Variants in NSD3 observed in about 807,000 individuals in gnomAD.
The protein encoded by NSD3 is histone-lysine N-methyltransferase NSD3.
In NSD3, 24 loss-of-function variants were observed where a neutral mutation model predicts 160.8. The ratio of observed to expected loss-of-function variants is 0.15; its 90% CI spans 0.11 to 0.21. The LOEUF is 0.21. Ranked by LOEUF, NSD3 falls within the 10% of genes least tolerant of loss-of-function variation. The pLI, the probability that NSD3 is intolerant of heterozygous loss-of-function variation, is 1.00. For synonymous variants in NSD3, 520 were observed against 600.0 expected (o/e 0.87, Z 1.95); for missense variants, 1,157 against 1,735.9 (o/e 0.67, Z 5.93).
chr8:38,316,656 A>T lies in NSD3; in HGVS notation c.1856-614T>A. Reference sequence around the variant, plus strand: ...GCGCTGCAGCACATCTACATATGTCATGCCATTTAGAAGGCACATTGCTGA... The same window carrying T: ...GCGCTGCAGCACATCTACATATGTCTTGCCATTTAGAAGGCACATTGCTGA... On this transcript the variant is annotated intron_variant, in intron 9 of 23. Transcript: ENST00000317025. This position sits in a 1 kb window ranked among gnomAD's most constrained non-coding sequence, Gnocchi z 4.5. The T allele has an allele frequency of 1.9e-6, 2 of 1,053,680 alleles. No individual in the cohort carries two copies. Among genetic ancestry groups the T allele is most frequent in the Non-Finnish European group, 2.3e-6 (2 of 871,956 alleles). The allele number at this position is 1,053,680 out of a possible 1,614,324, so 65.3% of individuals were successfully genotyped here. A position where few individuals can be genotyped will look rare whatever the true frequency, so the allele number is the denominator to read the frequency against.
chr8:38,363,981 G>A (rs1321674671), intron 1 of NSD3: 1 of 151,962 alleles, frequency 6.6e-6, no homozygotes, highest in Non-Finnish European at 1.5e-5. Flanking sequence ...ACTTAAAAAA[G>A]AAGTCTTAGG....
At chr8:38,355,587 C>A (rs1401948248) in intron 1 of NSD3, among the ~76,000 whole-genome samples, 2 of 152,080 alleles carry the variant, frequency 1.3e-5, no homozygotes, top group Non-Finnish European at 2.9e-5. Flanking sequence ...AAGAAAAATG[C>A]TGGGCAAGGA....
chr8:38,326,968 G>A, intron 6 of NSD3, 112 bp from the exon 7 acceptor site: 2 of 1,153,892 alleles, frequency 1.7e-6, no homozygotes, highest in Admixed American at 2.9e-5. Flanking sequence ...AATTTTATAT[G>A]GTCTTTGATT....
At chr8:38,339,287 A>G (rs1425499242) in intron 2 of NSD3, among the ~76,000 whole-genome samples, 2 of 152,242 alleles carry the variant, frequency 1.3e-5, no homozygotes, top group African/African-American at 4.8e-5. Context: ...TTGGTTGTAT[A>G]TATGAAAAAC....
intron 12 of NSD3, among the ~76,000 whole-genome samples, chr8:38,314,109 A>G (rs1210085545): frequency 6.6e-6 from 1 of 152,218 alleles, no homozygotes; most frequent in Non-Finnish European, 1.5e-5. Flanking sequence ...TTTCCATGAT[A>G]TTAACCAGAA....
At chr8:38,276,238 G>A (rs754768493) in intron 23 of NSD3, 58 bp downstream of exon 23, 1 of 1,552,262 alleles carries the variant, frequency 6.4e-7, no homozygotes, top group East Asian at 2.2e-5. Context: ...TATATTGTGA[G>A]TTACACATAG....
chr8:38,362,396 TCTTC>T (rs942484333), intron 1 of NSD3, among the ~76,000 whole-genome samples: 2 of 152,024 alleles, frequency 1.3e-5, no homozygotes, highest in African/African-American at 4.8e-5. Context: ...CAGATTTGCT[TCTTC>T]CTTCCTAAGA....
At position 38,278,332 on chromosome 8, in the gene NSD3, T is replaced by G. The variant is rs1808661158; in HGVS notation, c.3841A>C (p.Ser1281Arg). Residue 1281 changes from serine to arginine, a missense_variant, in exon 22 of 24, where the codon AGT becomes CGT. By Grantham distance (110) the Ser-to-Arg change is moderately radical. Around this residue, in one of 10 missense-constraint regions of NSD3, gnomAD observed 222 missense variants for 409.9 expected, o/e 0.54. Coordinates refer to ENST00000317025, the MANE Select transcript of NSD3 (RefSeq NM_023034.2). ...TECHCGADNC[S>R]GFLGVRPKSA... ...TTTGGCCGCACTCCTAGAAAACCAC[T>G]GCAGTTATCTGCTCCACAGTGGCAC... is the stretch of plus-strand genomic sequence containing the variant. 1 of 1,613,968 alleles carries G rather than the reference T, an allele frequency of 6.2e-7. No individual in the cohort carries two copies. Among genetic ancestry groups the G allele is most frequent in the Non-Finnish European group, 8.5e-7 (1 of 1,180,006 alleles).
At chr8:38,367,744 A>T (rs892964981) in intron 1 of NSD3, among the ~76,000 whole-genome samples, 23 of 152,114 alleles carry the variant, frequency 1.5e-4, no homozygotes, top group Admixed American at 1.4e-3. Context: ...CTAACTTTAA[A>T]TCTCATCTAT....
chr8:38,358,489 C>G (rs1810878835), intron 1 of NSD3, among the ~76,000 whole-genome samples: 1 of 152,008 alleles, frequency 6.6e-6, no homozygotes, highest in Admixed American at 6.6e-5. Context: ...AGTAATGAAC[C>G]AGCTATGCTG....
At chr8:38,278,561 T>C (rs1808666250) in intron 21 of NSD3, 149 bp from the exon 22 acceptor site, 4 of 624,032 alleles carry the variant, frequency 6.4e-6, no homozygotes, top group African/African-American at 1.9e-5. Flanking sequence ...ATAACAGTGA[T>C]GGTAAAAAAA....
intron 4 of NSD3, 106 bp downstream of exon 4, chr8:38,337,199 G>C (rs1319136426): frequency 2.1e-6 from 2 of 948,914 alleles, no homozygotes; most frequent in South Asian, 3.8e-5. Context: ...GCACATTTTT[G>C]TATCAGATTA....
rs1585910841 is a variant in NSD3, at chr8:38,347,837, T to C, written c.335A>G (p.Tyr112Cys). 6.2e-7 allele frequency: 1 copy of C among 1,614,230 alleles called. No homozygotes were observed. Among genetic ancestry groups the C allele is most frequent in the Non-Finnish European group, 8.5e-7 (1 of 1,180,042 alleles). Reference protein sequence around the residue: ...AVRNFSPTDYYHSEIPNTRPH... With the variant: ...AVRNFSPTDYCHSEIPNTRPH... ...TCTTGTGTTTGGAATTTCTGAATGA[T>C]AATAGTCAGTGGGGCTAAAGTTTCT... Residue 112 changes from tyrosine (Y) to cysteine (C), a missense_variant, in exon 2 of 24, where the codon TAT (tyrosine) becomes TGT (cysteine). By Grantham distance (194) the Tyr-to-Cys change is radical. Transcript: ENST00000317025.
intron 10 of NSD3, 27 bp downstream of exon 10, chr8:38,315,885 T>G: frequency 6.3e-7 from 1 of 1,596,660 alleles, no homozygotes; most frequent in Non-Finnish European, 8.5e-7. Flanking sequence ...GAAAGAACAC[T>G]TTGTCCAGAC....
intron 19 of NSD3, among the ~76,000 whole-genome samples, chr8:38,286,830 T>C (rs1263112257): frequency 6.6e-6 from 1 of 152,238 alleles, no homozygotes; most frequent in Non-Finnish European, 1.5e-5. Flanking sequence ...TGACGTGCTC[T>C]TCTCCTGCAC....
chr8:38,302,832 G>T (rs1488429895), intron 14 of NSD3, among the ~76,000 whole-genome samples: 1 of 152,110 alleles, frequency 6.6e-6, no homozygotes, highest in Non-Finnish European at 1.5e-5. Flanking sequence ...ATGGGGTCTT[G>T]CTATGTTGCC....
chr8:38,290,798 A>G, intron 16 of NSD3, 121 bp from the exon 17 acceptor site: 1 of 815,860 alleles, frequency 1.2e-6, no homozygotes, highest in South Asian at 1.8e-5. Context: ...GATTCTAAGA[A>G]CATAAAATAC....
chr8:38,338,633 G>C, intron 2 of NSD3, 26 bp from the exon 3 acceptor site: 1 of 1,557,168 alleles, frequency 6.4e-7, no homozygotes, highest in Non-Finnish European at 8.8e-7. Flanking sequence ...TAGGTAAGTA[G>C]AATAAAATGG....
chr8:38,305,367 T>A lies in NSD3; in HGVS notation c.2321A>T (p.Tyr774Phe), dbSNP rs780272184. The A allele has an allele frequency of 6.2e-7, 1 of 1,614,178 alleles. No individual in the cohort carries two copies. The highest frequency in any genetic ancestry group is 1.1e-5 in the South Asian group (1 of 91,078). The change falls in exon 13 of 24, where the codon TAT (tyrosine) becomes TTT (phenylalanine). Residue 774 changes from tyrosine (Y) to phenylalanine (F), a missense_variant. Tyr to Phe is a conservative substitution (Grantham distance 22, BLOSUM62 3). Coordinates refer to ENST00000317025, the MANE Select transcript of NSD3 (RefSeq NM_023034.2). ...RCSVGACGKF[Y>F]HEACVRKFPT... ...GAATTTGCGGACACAGGCTTCATGA[T>A]AAAATTTCCCACAAGCACCAACAGA...
Sources: gnomAD v4.1 joint callset for allele counts (sites outside exome capture counted in the v4.1 genomes callset) on GRCh38, gnomAD v4.1.1 for gene constraint, gnomAD v4.1.1 regional missense constraint, Gnocchi (gnomAD v3.1) non-coding constraint, MANE v1.5 for transcripts, NCBI Gene and HGNC (gene_info 2026-07-23, HGNC 2026-07-21) for gene names.